The following BORCS5 variants were observed in gnomAD, a reference collection of about 807,000 sequenced individuals.
BORCS5 encodes BLOC-1-related complex subunit 5.
BORCS5 carries 17 observed loss-of-function variants against 22.1 expected under a neutral mutation model. The observed-to-expected ratio is 0.77, with a 90% CI of 0.53 to 1.15. BORCS5 has a LOEUF of 1.15. Ranked by LOEUF, BORCS5 falls within the 50% of genes most tolerant of loss-of-function variation. The probability of loss-of-function intolerance (pLI) is 0.00; values close to 1 mark genes in which losing one functional copy is unlikely to be tolerated. For missense variants in BORCS5, 247 were observed against 253.2 expected (o/e 0.98, Z 0.17); for synonymous variants, 117 against 99.8 (o/e 1.17, Z -1.03).
At chr12:12,394,158 T>G (rs770456463) in intron 2 of BORCS5, among the ~76,000 whole-genome samples, 3 of 151,798 alleles carry the variant, frequency 2.0e-5, no homozygotes. Flanking sequence ...AAACCCTGTC[T>G]CTACTAAAAA....
chr12:12,408,758 A>G (rs2136082392), intron 2 of BORCS5, among the ~76,000 whole-genome samples: 1 of 152,288 alleles, frequency 6.6e-6, no homozygotes, highest in South Asian at 2.1e-4. Context: ...CCACATGTGT[A>G]TATATATAGA....
At chr12:12,427,891 TCTA>T (rs1305458437) in intron 2 of BORCS5, among the ~76,000 whole-genome samples, 1 of 152,208 alleles carries the variant, frequency 6.6e-6, no homozygotes, top group Admixed American at 6.5e-5. Flanking sequence ...ATACTCATGA[TCTA>T]CTCACCCACT....
chr12:12,450,226 T>C lies in BORCS5; in HGVS notation c.360+14441T>C, dbSNP rs77333992. The stretch of plus-strand genomic sequence containing the variant: ...AGTCCCAGCTGTGTGAGCTTAGGGA[T>C]AGTGCTTGCCCACTCTGGGAGCAGC... On this transcript the variant is annotated intron_variant, in intron 3 of 3. Transcript: ENST00000314565. Among the ~76,000 whole-genome samples the C allele has an allele frequency of 8.1e-3, 1,239 of 152,320 alleles. 20 individuals are homozygous for C. The highest frequency in any genetic ancestry group is 0.028 in the African/African-American group (1,149 of 41,574).
In BORCS5 at chr12:12,452,500, C is replaced by A. The variant is rs1942929762; in HGVS notation, c.361-13046C>A. 3 of 451,302 alleles carry A rather than the reference C, an allele frequency of 6.6e-6. No individual in the cohort carries two copies. In the Admixed American group the frequency reaches 7.6e-5, roughly 11 times the overall value. 28.0% of individuals were successfully genotyped at this position (451,302 alleles called of 1,614,324 possible). On this transcript the variant is annotated intron_variant, in intron 3 of 3. Coordinates refer to ENST00000314565, the MANE Select transcript of BORCS5 (RefSeq NM_058169.6). ...CTTGATCGTGGCTGGGTCGGGCCCA[C>A]CGGGTAGGCACTGGGGGCCAGGGTG...
chr12:12,408,430 T>C (rs1272276942), intron 2 of BORCS5, among the ~76,000 whole-genome samples: 1 of 152,366 alleles, frequency 6.6e-6, no homozygotes, highest in East Asian at 1.9e-4. Flanking sequence ...TGTAACTATT[T>C]TTAAGTATAA....
At chr12:12,451,655 G>A (rs1382822158) in intron 3 of BORCS5, among the ~76,000 whole-genome samples, 6 of 152,138 alleles carry the variant, frequency 3.9e-5, no homozygotes, top group East Asian at 1.9e-4. Flanking sequence ...AGGCCGAGGC[G>A]GGCGGATCAC....
intron 3 of BORCS5, among the ~76,000 whole-genome samples, chr12:12,464,223 CCTT>C (rs1241659956): frequency 1.3e-5 from 2 of 150,726 alleles, no homozygotes; most frequent in Non-Finnish European, 3.0e-5. Context: ...TTTCTCTTCT[CCTT>C]CTCCCCGTGC....
At chr12:12,363,317 C>T (rs1019833230) in intron 2 of BORCS5, among the ~76,000 whole-genome samples, 21 of 150,662 alleles carry the variant, frequency 1.4e-4, no homozygotes, top group African/African-American at 4.6e-4. Flanking sequence ...AAAAAAAAGC[C>T]GGCCAGGCGC....
chr12:12,372,189 G>C lies in BORCS5; in HGVS notation c.202+10840G>C, dbSNP rs138968802. On this transcript the variant is annotated intron_variant, in intron 2 of 3. Coordinates refer to ENST00000314565, the MANE Select transcript of BORCS5 (RefSeq NM_058169.6). ...TGAGTAGCTGGGATTTCAGCCACCCGCCACCATGCCCAGCTAATTTCTGTA... is the reference window on the plus strand; with the variant it reads ...TGAGTAGCTGGGATTTCAGCCACCCCCCACCATGCCCAGCTAATTTCTGTA... Among the ~76,000 whole-genome samples, 929 of 152,102 alleles carry C rather than the reference G, an allele frequency of 6.1e-3. 10 individuals are homozygous for C. The highest frequency in any genetic ancestry group is 0.022 in the African/African-American group (908 of 41,502).
chr12:12,437,251 G>A (rs1292196247), intron 3 of BORCS5, among the ~76,000 whole-genome samples: 2 of 152,184 alleles, frequency 1.3e-5, no homozygotes, highest in African/African-American at 4.8e-5. Flanking sequence ...GTAAAGGGGA[G>A]TTCCCCTACA....
chr12:12,412,589 T>G (rs1235264593), intron 2 of BORCS5, among the ~76,000 whole-genome samples: 1 of 152,196 alleles, frequency 6.6e-6, no homozygotes, highest in African/African-American at 2.4e-5. Context: ...ACTTCTTTCT[T>G]TCTAATTTCG....
intron 3 of BORCS5, among the ~76,000 whole-genome samples, chr12:12,436,740 A>G (rs915775661): frequency 6.6e-6 from 1 of 152,246 alleles, no homozygotes; most frequent in African/African-American, 2.4e-5. Context: ...ATTACAAAGC[A>G]GTCATTAGTT....
At chr12:12,419,621 T>G (rs1471392242) in intron 2 of BORCS5, among the ~76,000 whole-genome samples, 1 of 152,212 alleles carries the variant, frequency 6.6e-6, no homozygotes, top group African/African-American at 2.4e-5. Context: ...AATTGCCACA[T>G]TGTCTTCCAC....
chr12:12,440,513 A>G (rs1368285554), intron 3 of BORCS5, among the ~76,000 whole-genome samples: 4 of 151,466 alleles, frequency 2.6e-5, no homozygotes, highest in African/African-American at 9.7e-5. Context: ...GCACTGTTGA[A>G]GGGGAATGCT....
chr12:12,363,116 T>C (rs1863328293), intron 2 of BORCS5, among the ~76,000 whole-genome samples: 1 of 151,632 alleles, frequency 6.6e-6, no homozygotes. Flanking sequence ...GGCAACACAA[T>C]GAGACTCTGT....
In BORCS5 at chr12:12,379,960, T is replaced by G; in HGVS notation, c.202+18611T>G. Among the ~76,000 whole-genome samples the G allele has an allele frequency of 1.3e-5, 2 of 151,374 alleles. 1 individual carries two copies. Among genetic ancestry groups the G allele is most frequent in the Non-Finnish European group, 3.0e-5 (2 of 67,730 alleles). On this transcript the variant is annotated intron_variant, in intron 2 of 3. Coordinates refer to ENST00000314565, the MANE Select transcript of BORCS5 (RefSeq NM_058169.6). ...GAGATGTGCAATTCTTCCTTTCACTTGAACACATAAAGACCATTGTAGGGG... is the reference window on the plus strand; with the variant it reads ...GAGATGTGCAATTCTTCCTTTCACTGGAACACATAAAGACCATTGTAGGGG...
chr12:12,376,588 T>G (rs1021481164), intron 2 of BORCS5, among the ~76,000 whole-genome samples: 6 of 152,312 alleles, frequency 3.9e-5, no homozygotes, highest in African/African-American at 1.4e-4. Context: ...AATCAGTATC[T>G]TTTTATTTCA....
chr12:12,386,368 TGAAAA>T (rs1863880569), intron 2 of BORCS5, among the ~76,000 whole-genome samples: 2 of 150,860 alleles, frequency 1.3e-5, no homozygotes, highest in African/African-American at 4.9e-5. Context: ...TTATATATGT[TGAAAA>T]TCTGTCTTTT....
chr12:12,417,825 A>G (rs141035877), intron 2 of BORCS5, among the ~76,000 whole-genome samples: 1 of 152,020 alleles, frequency 6.6e-6, no homozygotes, highest in African/African-American at 2.4e-5. Context: ...TATTTTTAGT[A>G]GAGATGGGGT....
Sources: gnomAD v4.1 joint callset for allele counts (sites outside exome capture counted in the v4.1 genomes callset) on GRCh38, gnomAD v4.1.1 for gene constraint, MANE v1.5 for transcripts, NCBI Gene and HGNC (gene_info 2026-07-23, HGNC 2026-07-21) for gene names.